The following MYO7B variants were observed in gnomAD, a reference collection of about 807,000 sequenced individuals.
MYO7B encodes unconventional myosin-VIIb.
MYO7B carries 212 observed loss-of-function variants against 259.7 expected under a neutral mutation model. The observed-to-expected ratio is 0.82, with a 90% CI of 0.73 to 0.91. The LOEUF (loss-of-function observed/expected upper bound fraction) is 0.91. Ranked by LOEUF, MYO7B falls within the 40% of genes least tolerant of loss-of-function variation. The pLI, the probability that MYO7B is intolerant of heterozygous loss-of-function variation, is 0.00. For synonymous variants in MYO7B, 1,197 were observed against 1,166.4 expected, an observed-to-expected ratio of 1.03 and a Z score of -0.54; for missense variants, 2,732 against 2,813.5, an observed-to-expected ratio of 0.97 and a Z score of 0.66.
At chr2:127,570,099 T>C (rs962296683) in intron 6 of MYO7B, among the ~76,000 whole-genome samples, 189 bp downstream of exon 6, 1 of 152,078 alleles carries the variant, frequency 6.6e-6, no homozygotes, top group Non-Finnish European at 1.5e-5. Context: ...GGGGAAAGAC[T>C]GAGGACTTAA....
Position 127,627,909 on chromosome 2 carries a change from C to T in MYO7B, c.4461-463C>T, listed in dbSNP as rs765557149. ...TGCCAGGTGTACAGTGGCCACCACT[C>T]CCCACTGGCCACCTCTCACTGAGGC... is the stretch of plus-strand genomic sequence containing the variant. On this transcript the variant is annotated intron_variant, in intron 33 of 47. Transcript: ENST00000409816. This position sits in a 1 kb window ranked among gnomAD's most constrained non-coding sequence, Gnocchi z 5.6. 1.7e-5 allele frequency: 8 copies of T among 459,706 alleles called. No individual in the cohort carries two copies. Among genetic ancestry groups the T allele is most frequent in the Non-Finnish European group, 3.1e-5 (7 of 229,238 alleles). 28.5% of individuals were successfully genotyped at this position (459,706 alleles called of 1,614,324 possible).
chr2:127,617,503 T>G lies in MYO7B; in HGVS notation c.3399-2837T>G, dbSNP rs937012728. On this transcript the variant is annotated intron_variant, in intron 26 of 47. Coordinates refer to ENST00000409816, the MANE Select transcript of MYO7B (RefSeq NM_001393586.1). Reference sequence around the variant, plus strand: ...TGTAACGGGGTTTTTTTTTTTTTTTTTTTTTTTTTTGAGACGGAGTCTCGC... The same window carrying G: ...TGTAACGGGGTTTTTTTTTTTTTTTGTTTTTTTTTTGAGACGGAGTCTCGC... Among the ~76,000 whole-genome samples, 34 of 134,694 alleles carry G rather than the reference T, an allele frequency of 2.5e-4. No individual in the cohort carries two copies. In the South Asian group the frequency reaches 8.5e-3, roughly 34 times the overall value. The allele number at this position is 134,694 out of a possible 152,430, so 88.4% of individuals were successfully genotyped here.
intron 28 of MYO7B, 95 bp from the exon 29 acceptor site, chr2:127,623,107 A>G: frequency 1.4e-6 from 2 of 1,438,932 alleles, no homozygotes; most frequent in Non-Finnish European, 1.9e-6. Context: ...AGCAGGGCCC[A>G]TGGGCTGGGG....
rs948061907 is a variant in MYO7B at position 127,636,063 on chromosome 2, A to G, written c.6007-145A>G. 1 of 1,061,988 alleles carries G rather than the reference A, an allele frequency of 9.4e-7. No individual in the cohort carries two copies. Among genetic ancestry groups the G allele is most frequent in the African/African-American group, 1.6e-5 (1 of 62,506 alleles). The allele number at this position is 1,061,988 out of a possible 1,614,324, so 65.8% of individuals were successfully genotyped here. A position where few individuals can be genotyped will look rare whatever the true frequency, so the allele number is the denominator to read the frequency against. ...TGCACACACCACGCCTTCCTATGCC[A>G]TCCACAGCACCGAGACTGTCCCATG... On this transcript the variant is annotated intron_variant, in intron 44 of 47. Transcript: ENST00000409816. The surrounding 1 kb of genome is among the most constrained non-coding windows in gnomAD (Gnocchi z 4.5).
chr2:127,582,681 T>A (rs992905256), intron 12 of MYO7B, among the ~76,000 whole-genome samples: 3 of 152,176 alleles, frequency 2.0e-5, no homozygotes, highest in Non-Finnish European at 4.4e-5. Flanking sequence ...GTCACCCTTC[T>A]TGGGCCACCT....
At chr2:127,600,361 T>G (rs1286150733) in intron 19 of MYO7B, among the ~76,000 whole-genome samples, 1 of 152,220 alleles carries the variant, frequency 6.6e-6, no homozygotes, top group African/African-American at 2.4e-5. Context: ...TTCCTGATAT[T>G]GGAAATTTAT....
intron 26 of MYO7B, among the ~76,000 whole-genome samples, chr2:127,619,286 TGGTGGGGG>T (rs1680726495): frequency 5.4e-5 from 3 of 55,866 alleles, no homozygotes; most frequent in African/African-American, 2.3e-4. Context: ...GCTGGCTGGG[TGGTGGGGG>T]GTGGTTGGGT....
At chr2:127,601,962 C>G (rs1334352038) in intron 19 of MYO7B, among the ~76,000 whole-genome samples, 1 of 152,160 alleles carries the variant, frequency 6.6e-6, no homozygotes, top group African/African-American at 2.4e-5. Context: ...ACATTGAGGA[C>G]TTACTGTATT....
intron 1 of MYO7B, among the ~76,000 whole-genome samples, chr2:127,537,791 T>C (rs1278997928): frequency 6.6e-6 from 1 of 152,118 alleles, no homozygotes; most frequent in East Asian, 1.9e-4. Flanking sequence ...GAGCCTGGGC[T>C]GGGTTTCTCT....
Position 127,609,612 on chromosome 2 carries a change from C to G in MYO7B, c.2921C>G (p.Pro974Arg), listed in dbSNP as rs1680298689. The G allele has an allele frequency of 6.2e-7, 1 of 1,613,902 alleles. No individual in the cohort carries two copies. The change falls in exon 23 of 48, where the codon CCC (proline) becomes CGC (arginine). Residue 974 changes from proline (P) to arginine (R), a missense_variant. This residue lies in a region of MYO7B where 1,906 missense variants were observed against 2,026.4 expected (regional missense o/e 0.94). Transcript: ENST00000409816. This position sits in a 1 kb window ranked among gnomAD's most constrained non-coding sequence, Gnocchi z 6.9. ...DVDGLAEYTF[P>R]KFAVTYFQKS... ...GATGGCCTGGCCGAGTACACCTTCCCCAAGTTTGCTGTGACTTACTTCCAG... is the reference window on the plus strand; with the variant it reads ...GATGGCCTGGCCGAGTACACCTTCCGCAAGTTTGCTGTGACTTACTTCCAG...
At position 127,631,664 on chromosome 2, in the gene MYO7B, C is replaced by G; in HGVS notation, c.5160C>G (p.Asp1720Glu). Residue 1720 changes from aspartate to glutamate, a missense_variant, in exon 38 of 48, where the codon GAC becomes GAG. Physicochemically the swap from Asp to Glu is conservative, Grantham distance 45. Around this residue, in one of 3 missense-constraint regions of MYO7B, gnomAD observed 821 missense variants for 769.3 expected, o/e 1.07. Transcript: ENST00000409816. ...CCTGGCCCACCCTGGAGCTCACCGA[C>G]CAGATCTTCACACTGGCCCTGCAGC... ...RQAWPTLELT[D>E]QIFTLALQHP... 6.2e-7 allele frequency: 1 copy of G among 1,613,116 alleles called. No individual in the cohort carries two copies. Among genetic ancestry groups the G allele is most frequent in the Non-Finnish European group, 8.5e-7 (1 of 1,179,870 alleles).
At chr2:127,565,626 C>G (rs1342714158) in intron 4 of MYO7B, among the ~76,000 whole-genome samples, 1 of 152,242 alleles carries the variant, frequency 6.6e-6, no homozygotes, top group Non-Finnish European at 1.5e-5. Flanking sequence ...ACAGTCTCTG[C>G]TCAGTGAGGG....
chr2:127,633,041 C>A (rs1681605963), intron 39 of MYO7B, among the ~76,000 whole-genome samples: 1 of 152,236 alleles, frequency 6.6e-6, no homozygotes, highest in Admixed American at 6.5e-5. Context: ...CCCGTGTGTG[C>A]CCCAGGCTTT....
intron 15 of MYO7B, among the ~76,000 whole-genome samples, chr2:127,589,065 A>G (rs1272172242): frequency 4.0e-5 from 4 of 100,634 alleles, no homozygotes; most frequent in Middle Eastern, 7.9e-3. Context: ...GTGGATGGGT[A>G]TGTAAGTGGA....
rs776463486 is a variant in MYO7B, at chr2:127,564,230, GC to G, written c.98del (p.Pro33GlnfsTer38). 1 of 1,580,458 alleles carries G rather than the reference GC, an allele frequency of 6.3e-7. No homozygotes were observed. The highest frequency in any genetic ancestry group is 2.3e-5 in the East Asian group (1 of 42,998). On this transcript the variant is annotated frameshift_variant, in exon 3 of 48. Coordinates refer to ENST00000409816, the MANE Select transcript of MYO7B (RefSeq NM_001393586.1). LOFTEE classifies it high-confidence loss of function. ...TCGGGGGCATCATCAAAGAGGCAAA[GC>G]CAGGCAAAGTCTTGGTTGAAGATGA... Reference protein sequence around the residue: ...AIGGIIKEAKPGKVLVEDDEG... With the variant: ...AIGGIIKEAKXGKVLVEDDEG...
At chr2:127,538,232 G>A (rs1306707590) in intron 1 of MYO7B, among the ~76,000 whole-genome samples, 2 of 152,066 alleles carry the variant, frequency 1.3e-5, no homozygotes, top group African/African-American at 4.8e-5. Context: ...TAAGGCTTGG[G>A]CACTGTTGGC....
chr2:127,554,542 CT>C (rs1253930494), intron 1 of MYO7B, among the ~76,000 whole-genome samples: 1 of 152,110 alleles, frequency 6.6e-6, no homozygotes, highest in Non-Finnish European at 1.5e-5. Flanking sequence ...CTGTAGTTTT[CT>C]TTTTTGGTTA....
chr2:127,540,151 T>G (rs9287540), intron 1 of MYO7B, among the ~76,000 whole-genome samples: 131,115 of 151,784 alleles, frequency 0.86, 56,786 homozygotes, highest in East Asian at 1. Context: ...GCACGTGCAA[T>G]TGTCTTTTTC....
Position 127,571,452 on chromosome 2 carries a change from T to TGTTTTTTTTTTTTTTTTTG in MYO7B, c.592+1542_592+1543insGTTTTTTTTTTTTTTTTTG, listed in dbSNP as rs1239162376. 4.3e-5 allele frequency among the ~76,000 whole-genome samples: 6 copies of TGTTTTTTTTTTTTTTTTTG among 140,620 alleles called. 1 individual carries two copies. The South Asian group carries it at 1.4e-3, about 32-fold the overall frequency. 92.3% of individuals were successfully genotyped at this position (140,620 alleles called of 152,430 possible). On this transcript the variant is annotated intron_variant, in intron 6 of 47. Coordinates refer to ENST00000409816, the MANE Select transcript of MYO7B (RefSeq NM_001393586.1). Reference sequence around the variant, plus strand: ...TTTCCTTACCAGTGAGTTTTTTTTTTTTTTTTTGCTTGTTTGTTTTTTGTT... The same window carrying TGTTTTTTTTTTTTTTTTTG: ...TTTCCTTACCAGTGAGTTTTTTTTTTGTTTTTTTTTTTTTTTTTGTTTTTTTGCTTGTTTGTTTTTTGTT...
Sources: allele counts gnomAD v4.1 joint callset (sites outside exome capture counted in the v4.1 genomes callset), GRCh38; gene constraint gnomAD v4.1.1; regional missense constraint gnomAD v4.1.1; non-coding constraint Gnocchi (gnomAD v3.1); transcripts MANE v1.5; gene names NCBI Gene and HGNC (gene_info 2026-07-23, HGNC 2026-07-21).